Variants in VIL1 observed in about 807,000 individuals in gnomAD.
VIL1 encodes villin 1, also known as villin-1.
In VIL1, 86 loss-of-function variants were observed where a neutral mutation model predicts 104.0. That is an observed-to-expected ratio of 0.83 (90% CI 0.69 to 0.99). The LOEUF (loss-of-function observed/expected upper bound fraction) is 0.99. Ranked by LOEUF, VIL1 falls within the 50% of genes least tolerant of loss-of-function variation. The pLI, the probability that VIL1 is intolerant of heterozygous loss-of-function variation, is 0.00. For missense variants in VIL1, 944 were observed against 1,054.1 expected (o/e 0.90, Z 1.45); for synonymous variants, 394 against 412.6 (o/e 0.95, Z 0.55).
Position 218,432,839 on chromosome 2 carries a change from C to G in VIL1, c.1388C>G (p.Ala463Gly). Residue 463 changes from alanine (A) to glycine (G), a missense_variant, in exon 13 of 20, where the codon GCC becomes GGC. Coordinates refer to ENST00000248444, the MANE Select transcript of VIL1 (RefSeq NM_007127.3). ...GAAATTACAGCATCAGCTTATCAAG[C>G]CGTCATCCTGGACCAGAAGTACAAT... ...QDEITASAYQ[A>G]VILDQKYNGE... 1.2e-6 allele frequency: 2 copies of G among 1,614,202 alleles called. No homozygotes were observed. Among genetic ancestry groups the G allele is most frequent in the Non-Finnish European group, 1.7e-6 (2 of 1,180,042 alleles).
chr2:218,446,690 C>T (rs1329408717), intron 19 of VIL1, among the ~76,000 whole-genome samples: 1 of 151,176 alleles, frequency 6.6e-6, no homozygotes, highest in East Asian at 1.9e-4. Flanking sequence ...ATACCTGAAA[C>T]TCAAGGAATA....
chr2:218,424,644 A>G (rs1688949449), intron 3 of VIL1, among the ~76,000 whole-genome samples: 1 of 151,278 alleles, frequency 6.6e-6, no homozygotes, highest in Non-Finnish European at 1.5e-5. Flanking sequence ...TCCACAATCC[A>G]TAGTCATCTT....
At chr2:218,422,953 T>G (rs1397294367) in intron 1 of VIL1, among the ~76,000 whole-genome samples, 1 of 151,948 alleles carries the variant, frequency 6.6e-6, no homozygotes, top group African/African-American at 2.4e-5. Flanking sequence ...ATGCCTCACC[T>G]CCCAAAAGGC....
chr2:218,449,006 A>G (rs911924249), intron 19 of VIL1, among the ~76,000 whole-genome samples: 6 of 18,848 alleles, frequency 3.2e-4, no homozygotes, highest in African/African-American at 3.3e-4. Context: ...CATGGTCTGG[A>G]AAAAAAAAAA....
At chr2:218,423,302 G>A (rs1688926187) in intron 1 of VIL1, among the ~76,000 whole-genome samples, 2 of 152,212 alleles carry the variant, frequency 1.3e-5, no homozygotes, top group Non-Finnish European at 2.9e-5. Context: ...GGTTGAGGTA[G>A]GAGAATCACT....
intron 19 of VIL1, among the ~76,000 whole-genome samples, chr2:218,449,005 G>A (rs1455702356): frequency 6.8e-6 from 1 of 147,742 alleles, no homozygotes; most frequent in Non-Finnish European, 1.5e-5. Flanking sequence ...ACATGGTCTG[G>A]AAAAAAAAAA....
chr2:218,435,776 AG>A (rs1201906540), intron 15 of VIL1, among the ~76,000 whole-genome samples: 1 of 152,190 alleles, frequency 6.6e-6, no homozygotes, highest in African/African-American at 2.4e-5. Context: ...GCCTGCTTTT[AG>A]GTCCTGACAC....
chr2:218,444,388 T>C (rs1157605244), intron 19 of VIL1, among the ~76,000 whole-genome samples: 2 of 152,074 alleles, frequency 1.3e-5, no homozygotes, highest in Non-Finnish European at 2.9e-5. Context: ...CACGCCATTC[T>C]CCTTCCTCAG....
chr2:218,424,202 C>T, intron 2 of VIL1, 75 bp from the exon 3 acceptor site: 1 of 1,359,280 alleles, frequency 7.4e-7, no homozygotes. Flanking sequence ...ACGCCTCCTC[C>T]CCTTGGGCCC....
chr2:218,433,587 A>C (rs1357032016), intron 13 of VIL1, among the ~76,000 whole-genome samples: 1 of 151,530 alleles, frequency 6.6e-6, no homozygotes, highest in Non-Finnish European at 1.5e-5. Context: ...GGCCTGGGGG[A>C]GAGGCTCCCT....
rs1182951455 is a variant in VIL1 at position 218,451,622 on chromosome 2, G to C, written c.*2286G>C. ...TAGTTACATAATGGTAACTACACAC[G>C]ATACAGAAGAATCAGTAAATTCATG... On this transcript the variant is annotated 3_prime_UTR_variant, in exon 20 of 20. Coordinates refer to ENST00000248444, the MANE Select transcript of VIL1 (RefSeq NM_007127.3). The C allele has an allele frequency of 6.6e-6, 1 of 151,902 alleles. No individual in the cohort carries two copies. Among genetic ancestry groups the C allele is most frequent in the Non-Finnish European group, 1.5e-5 (1 of 68,012 alleles). 9.4% of individuals were successfully genotyped at this position (151,902 alleles called of 1,614,324 possible).
chr2:218,436,866 G>A lies in VIL1; in HGVS notation c.1971+240G>A, dbSNP rs559214757. 2.6e-5 allele frequency among the ~76,000 whole-genome samples: 4 copies of A among 152,342 alleles called. No individual in the cohort carries two copies. In the South Asian group the frequency reaches 8.3e-4, roughly 32 times the overall value. ...GTCCTATTTATTTCACATGGCAGCAGGAGTGTTTTTGAGAATCCTGGGCTT... is the reference window on the plus strand; with the variant it reads ...GTCCTATTTATTTCACATGGCAGCAAGAGTGTTTTTGAGAATCCTGGGCTT... On this transcript the variant is annotated intron_variant, in intron 16 of 19. Coordinates refer to ENST00000248444, the MANE Select transcript of VIL1 (RefSeq NM_007127.3).
Position 218,453,074 on chromosome 2 carries a change from G to A in VIL1, c.*3738G>A, listed in dbSNP as rs922671683. ...AAGGTATATAGGTAGATGGTAGGAG[G>A]CAAAGCATTTATCAGTAGTTGAGCA... On this transcript the variant is annotated 3_prime_UTR_variant, in exon 20 of 20. Coordinates refer to ENST00000248444, the MANE Select transcript of VIL1 (RefSeq NM_007127.3). 6.6e-6 allele frequency: 1 copy of A among 152,180 alleles called. No individual in the cohort carries two copies. The highest frequency in any genetic ancestry group is 1.5e-5 in the Non-Finnish European group (1 of 68,024). 9.4% of individuals were successfully genotyped at this position (152,180 alleles called of 1,614,324 possible).
intron 18 of VIL1, 71 bp downstream of exon 18, chr2:218,438,797 G>C: frequency 7.3e-7 from 1 of 1,365,070 alleles, no homozygotes; most frequent in Non-Finnish European, 1.0e-6. Context: ...AGCCAAGAAC[G>C]CTGCAGAGAA....
At chr2:218,430,983 G>A (rs767787959) in intron 10 of VIL1, 105 bp downstream of exon 10, 16 of 1,440,012 alleles carry the variant, frequency 1.1e-5, no homozygotes, top group Non-Finnish European at 1.3e-5. Flanking sequence ...CATCTTCAAC[G>A]AAGACTTTTA....
At chr2:218,423,351 C>T (rs753264224) in intron 1 of VIL1, among the ~76,000 whole-genome samples, 1 of 152,044 alleles carries the variant, frequency 6.6e-6, no homozygotes, top group Non-Finnish European at 1.5e-5. Flanking sequence ...GCCAAGATCA[C>T]GACACTGCAC....
Position 218,437,171 on chromosome 2 carries a change from C to T in VIL1, c.2019C>T (p.Ala673=), listed in dbSNP as rs34509505. The change falls in exon 17 of 20, where the codon GCC becomes GCT. Residue 673 remains alanine (A), a synonymous_variant. Transcript: ENST00000248444. ...GKHANEEEKK[A]AATTAQEYLK... ...ATGCCAACGAGGAGGAGAAGAAGGCCGCAGCAACCACTGCACAGGAATACC... is the reference window on the plus strand; with the variant it reads ...ATGCCAACGAGGAGGAGAAGAAGGCTGCAGCAACCACTGCACAGGAATACC... 1.0e-3 allele frequency: 1,663 copies of T among 1,614,122 alleles called. 14 individuals are homozygous for T. The African/African-American group carries it at 0.017, about 16-fold the overall frequency.
chr2:218,431,351 CAAAAAA>C (rs10527756), intron 10 of VIL1: 54 of 90,670 alleles, frequency 6.0e-4, no homozygotes, highest in South Asian at 1.6e-3. Context: ...AACTCCATCT[CAAAAAA>C]AAAAAAAAAA....
chr2:218,420,641 A>G (rs1308697020), intron 1 of VIL1, among the ~76,000 whole-genome samples: 1 of 147,048 alleles, frequency 6.8e-6, no homozygotes, highest in Non-Finnish European at 1.5e-5. Context: ...GCTGGAGTGC[A>G]GTGGCGTGAT....
Sources: gnomAD v4.1 joint callset for allele counts (sites outside exome capture counted in the v4.1 genomes callset) on GRCh38, gnomAD v4.1.1 for gene constraint, MANE v1.5 for transcripts, NCBI Gene and HGNC (gene_info 2026-07-23, HGNC 2026-07-21) for gene names.